Variants in AIG1 observed in about 807,000 individuals in gnomAD.
AIG1 encodes the protein androgen induced 1.
In AIG1, 23 loss-of-function variants were observed where a neutral mutation model predicts 31.4. The ratio of observed to expected loss-of-function variants is 0.73; its 90% CI spans 0.53 to 1.04. The LOEUF is 1.04. Ranked by LOEUF, AIG1 falls within the 50% of genes least tolerant of loss-of-function variation. The pLI, the probability that AIG1 is intolerant of heterozygous loss-of-function variation, is 0.00. For missense variants in AIG1, 274 were observed against 295.0 expected (o/e 0.93, Z 0.52); for synonymous variants, 100 against 110.5 (o/e 0.90, Z 0.60).
intron 1 of AIG1, among the ~76,000 whole-genome samples, chr6:143,098,662 T>C (rs144663368): frequency 6.6e-6 from 1 of 152,226 alleles, no homozygotes; most frequent in Non-Finnish European, 1.5e-5. Flanking sequence ...TTCAAACTTA[T>C]GTTAAAAAAC....
intron 3 of AIG1, among the ~76,000 whole-genome samples, chr6:143,240,283 A>G (rs1318075289): frequency 2.0e-5 from 3 of 152,330 alleles, no homozygotes; most frequent in East Asian, 1.9e-4. Flanking sequence ...TCATATTACA[A>G]TAGGCCCTGG....
chr6:143,174,481 C>T (rs1424372045), intron 3 of AIG1, among the ~76,000 whole-genome samples: 30 of 127,414 alleles, frequency 2.4e-4, no homozygotes, highest in South Asian at 1.6e-3. Flanking sequence ...AGTGAGACTC[C>T]GTCTCAAAAA....
At chr6:143,231,668 A>C (rs1793458402) in intron 3 of AIG1, among the ~76,000 whole-genome samples, 1 of 152,256 alleles carries the variant, frequency 6.6e-6, no homozygotes, top group Admixed American at 6.5e-5. Context: ...AACAAATACT[A>C]AATGTTACCA....
intron 3 of AIG1, among the ~76,000 whole-genome samples, chr6:143,198,788 C>T (rs1351720544): frequency 2.6e-5 from 4 of 152,192 alleles, no homozygotes; most frequent in Non-Finnish European, 5.9e-5. Flanking sequence ...AAATTGCACA[C>T]ATCACTTTTG....
intron 3 of AIG1, among the ~76,000 whole-genome samples, chr6:143,277,753 G>A (rs1797045162): frequency 6.6e-6 from 1 of 152,150 alleles, no homozygotes; most frequent in Non-Finnish European, 1.5e-5. Context: ...AGGAAAAAAC[G>A]ATTCTTGCCT....
intron 3 of AIG1, among the ~76,000 whole-genome samples, chr6:143,244,076 G>C (rs59349472): frequency 6.6e-6 from 1 of 152,178 alleles, no homozygotes; most frequent in Non-Finnish European, 1.5e-5. Context: ...CCCTCAAATA[G>C]CTGGCAGATT....
intron 2 of AIG1, among the ~76,000 whole-genome samples, chr6:143,151,888 C>T (rs972163074): frequency 2.6e-5 from 4 of 152,138 alleles, no homozygotes; most frequent in South Asian, 4.2e-4. Flanking sequence ...CTGATGAATT[C>T]GGTTGCACAG....
intron 2 of AIG1, among the ~76,000 whole-genome samples, chr6:143,163,300 T>A (rs146964828): frequency 8.5e-5 from 13 of 152,350 alleles, no homozygotes; most frequent in African/African-American, 3.1e-4. Context: ...TATCTGTCAC[T>A]AATATCTTTA....
At chr6:143,300,767 G>A (rs751765678) in intron 4 of AIG1, among the ~76,000 whole-genome samples, 6 of 152,034 alleles carry the variant, frequency 3.9e-5, no homozygotes, top group African/African-American at 1.4e-4. Context: ...GCCACACACA[G>A]AAAATAGAGC....
At chr6:143,114,738 TTATTTGGAG>T (rs1781594746) in intron 1 of AIG1, among the ~76,000 whole-genome samples, 1 of 152,196 alleles carries the variant, frequency 6.6e-6, no homozygotes, top group Admixed American at 6.5e-5. Flanking sequence ...TGATTGTCAG[TTATTTGGAG>T]TATTCTGGCT....
intron 4 of AIG1, among the ~76,000 whole-genome samples, chr6:143,289,736 G>C (rs1434184608): frequency 1.3e-5 from 2 of 151,982 alleles, no homozygotes; most frequent in Non-Finnish European, 2.9e-5. Flanking sequence ...TTTACATACA[G>C]TATTTGTAAG....
intron 2 of AIG1, among the ~76,000 whole-genome samples, chr6:143,145,118 A>G (rs1004534652): frequency 5.9e-5 from 9 of 152,130 alleles, no homozygotes; most frequent in African/African-American, 2.2e-4. Context: ...TCCACCTCTC[A>G]GGCTCAAGTG....
chr6:143,149,368 A>C (rs1784980278), intron 2 of AIG1, among the ~76,000 whole-genome samples: 1 of 151,936 alleles, frequency 6.6e-6, no homozygotes, highest in Non-Finnish European at 1.5e-5. Context: ...CTACTAAAAA[A>C]TACAAAAAAT....
chr6:143,214,814 A>T (rs930128588), intron 3 of AIG1, among the ~76,000 whole-genome samples: 3 of 151,690 alleles, frequency 2.0e-5, no homozygotes, highest in African/African-American at 7.3e-5. Flanking sequence ...TTTCCCCTCC[A>T]TGTCTTGGCA....
intron 1 of AIG1, among the ~76,000 whole-genome samples, chr6:143,068,185 T>G (rs1262975011): frequency 5.3e-5 from 8 of 152,210 alleles, no homozygotes; most frequent in African/African-American, 1.9e-4. Context: ...GTATAACATT[T>G]GGCAAAATTG....
chr6:143,201,600 A>C (rs1241445212), intron 3 of AIG1, among the ~76,000 whole-genome samples: 1 of 152,180 alleles, frequency 6.6e-6, no homozygotes, highest in Non-Finnish European at 1.5e-5. Flanking sequence ...AAGGGACCCT[A>C]CGAATAATCT....
chr6:143,085,359 T>C (rs1778667977), intron 1 of AIG1, among the ~76,000 whole-genome samples: 1 of 152,200 alleles, frequency 6.6e-6, no homozygotes. Context: ...TAACAACCCA[T>C]GGACCTCTGC....
intron 3 of AIG1, among the ~76,000 whole-genome samples, chr6:143,229,498 A>G (rs757293138): frequency 2.6e-5 from 4 of 152,108 alleles, no homozygotes; most frequent in Non-Finnish European, 4.4e-5. Flanking sequence ...ACATTTTCAC[A>G]TTTGCAATTT....
At chr6:143,100,041 G>A (rs907822160) in intron 1 of AIG1, among the ~76,000 whole-genome samples, 4 of 152,206 alleles carry the variant, frequency 2.6e-5, no homozygotes, top group Non-Finnish European at 5.9e-5. Context: ...GTGGTGCCAT[G>A]CTGACTTTAG....
Sources: gnomAD v4.1 joint callset for allele counts (sites outside exome capture counted in the v4.1 genomes callset) on GRCh38, gnomAD v4.1.1 for gene constraint, MANE v1.5 for transcripts, NCBI Gene and HGNC (gene_info 2026-07-23, HGNC 2026-07-21) for gene names.